The following PDIA5 variants were observed in gnomAD, a reference collection of about 807,000 sequenced individuals.
PDIA5 encodes protein disulfide isomerase family A member 5.
In PDIA5, 58 loss-of-function variants were observed where a neutral mutation model predicts 77.6. That is an observed-to-expected ratio of 0.75 (90% CI 0.61 to 0.93). The LOEUF is 0.93. Among genes scored for constraint, PDIA5 ranks in the 40% least tolerant of loss-of-function variants. The pLI, the probability that PDIA5 is intolerant of heterozygous loss-of-function variation, is 0.00. For synonymous variants in PDIA5, 250 were observed against 252.1 expected, an observed-to-expected ratio of 0.99 and a Z score of 0.08; for missense variants, 630 against 647.7, an observed-to-expected ratio of 0.97 and a Z score of 0.30.
At chr3:123,109,148 C>G (rs1265534145) in intron 6 of PDIA5, among the ~76,000 whole-genome samples, 1 of 152,188 alleles carries the variant, frequency 6.6e-6, no homozygotes, top group Non-Finnish European at 1.5e-5. Flanking sequence ...TCCTCTTGTT[C>G]TGCTTTGTGC....
chr3:123,089,339 TG>T, intron 2 of PDIA5, 45 bp downstream of exon 2: 1 of 1,601,342 alleles, frequency 6.2e-7, no homozygotes, highest in Non-Finnish European at 8.5e-7. Context: ...CGGGGTAGGA[TG>T]GGATTCAGGG....
intron 2 of PDIA5, among the ~76,000 whole-genome samples, chr3:123,090,197 C>T (rs1414088346): frequency 1.3e-5 from 2 of 152,224 alleles, no homozygotes; most frequent in Non-Finnish European, 2.9e-5. Context: ...GCGGCTGCTG[C>T]TTCCCCTTCT....
At chr3:123,092,079 G>A (rs546919631) in intron 2 of PDIA5, among the ~76,000 whole-genome samples, 1 of 152,346 alleles carries the variant, frequency 6.6e-6, no homozygotes, top group Admixed American at 6.5e-5. Flanking sequence ...TAAGGTGTGA[G>A]GTGTGGATTA....
intron 11 of PDIA5, among the ~76,000 whole-genome samples, chr3:123,137,332 C>T (rs979286456): frequency 6.6e-6 from 1 of 152,238 alleles, no homozygotes; most frequent in East Asian, 1.9e-4. Flanking sequence ...CCTATTCATA[C>T]ACTTTGCTCA....
chr3:123,151,295 C>T (rs749177805), intron 14 of PDIA5, among the ~76,000 whole-genome samples: 5 of 152,246 alleles, frequency 3.3e-5, no homozygotes, highest in Non-Finnish European at 2.9e-5. Context: ...CTGTCCTCTT[C>T]GGTCTGTAGA....
intron 1 of PDIA5, among the ~76,000 whole-genome samples, chr3:123,083,399 C>A (rs1447520002): frequency 6.6e-6 from 1 of 152,132 alleles, no homozygotes; most frequent in East Asian, 1.9e-4. Flanking sequence ...CAGGGAGATG[C>A]TTTATGGGTC....
chr3:123,158,741 G>A (rs768998395), intron 15 of PDIA5, among the ~76,000 whole-genome samples: 16 of 152,204 alleles, frequency 1.1e-4, no homozygotes, highest in Non-Finnish European at 2.1e-4. Flanking sequence ...GACACCAGCA[G>A]CGTGTGCCCC....
At chr3:123,103,859 C>T (rs773232578) in intron 5 of PDIA5, among the ~76,000 whole-genome samples, 7 of 152,136 alleles carry the variant, frequency 4.6e-5, no homozygotes, top group Non-Finnish European at 1.0e-4. Flanking sequence ...CACATGTTCC[C>T]CAGGAACAAG....
chr3:123,094,407 G>T (rs953296212), intron 3 of PDIA5, among the ~76,000 whole-genome samples: 14 of 152,212 alleles, frequency 9.2e-5, no homozygotes, highest in African/African-American at 3.4e-4. Flanking sequence ...CTGGGCTGTG[G>T]CCCATGTAGG....
chr3:123,109,494 T>C (rs1934814805), intron 6 of PDIA5, among the ~76,000 whole-genome samples: 1 of 152,124 alleles, frequency 6.6e-6, no homozygotes, highest in Non-Finnish European at 1.5e-5. Flanking sequence ...TGTTTGGAAA[T>C]TATTTCAAAC....
rs770883761 is a variant in PDIA5, at chr3:123,161,384, G to A, written c.1408G>A (p.Val470Ile). Residue 470 changes from valine to isoleucine, a missense_variant, in exon 16 of 17, where the codon GTC becomes ATC. Physicochemically the swap from Val to Ile is conservative, Grantham distance 29 (BLOSUM62 3). Transcript: ENST00000316218. ...CCAAGACCTGTGCCAGCAGGAGGCGGTCAAGGGCTACCCCACTTTCCACTA... is the reference window on the plus strand; with the variant it reads ...CCAAGACCTGTGCCAGCAGGAGGCGATCAAGGGCTACCCCACTTTCCACTA... Reference protein sequence around the residue: ...KNQDLCQQEAVKGYPTFHYYH... With the variant: ...KNQDLCQQEAIKGYPTFHYYH... The A allele has an allele frequency of 1.7e-5, 27 of 1,614,204 alleles. No homozygotes were observed. The East Asian group carries it at 5.8e-4, about 35-fold the overall frequency.
At chr3:123,076,242 C>T (rs1036362726) in intron 1 of PDIA5, among the ~76,000 whole-genome samples, 12 of 152,286 alleles carry the variant, frequency 7.9e-5, no homozygotes, top group African/African-American at 2.9e-4. Context: ...CAGATCTGTC[C>T]TGGCGGGGAC....
chr3:123,088,038 T>G (rs1022312045), intron 1 of PDIA5, among the ~76,000 whole-genome samples: 1 of 152,138 alleles, frequency 6.6e-6, no homozygotes, highest in Non-Finnish European at 1.5e-5. Context: ...AAGGTTCAGT[T>G]TGTAGACTTT....
intron 1 of PDIA5, among the ~76,000 whole-genome samples, chr3:123,075,664 A>G (rs1459603729): frequency 6.6e-6 from 1 of 152,044 alleles, no homozygotes; most frequent in Non-Finnish European, 1.5e-5. Flanking sequence ...CTGTGAGTGG[A>G]GAGGGGAGTG....
intron 8 of PDIA5, among the ~76,000 whole-genome samples, chr3:123,118,993 G>A (rs989160940): frequency 7.2e-5 from 11 of 152,216 alleles, no homozygotes; most frequent in African/African-American, 1.9e-4. Flanking sequence ...GTTCATGCCT[G>A]TAATCCCAGT....
chr3:123,138,466 T>A (rs1195847431), intron 11 of PDIA5, among the ~76,000 whole-genome samples: 1 of 152,258 alleles, frequency 6.6e-6, no homozygotes, highest in Admixed American at 6.5e-5. Flanking sequence ...TTTCCCATTA[T>A]AAATCATGCT....
At chr3:123,152,079 GCCTTCCTTCCTGCCTTCCTGCCTT>G (rs1935925012) in intron 14 of PDIA5, among the ~76,000 whole-genome samples, 1 of 65,778 alleles carries the variant, frequency 1.5e-5, no homozygotes, top group African/African-American at 6.1e-5. Flanking sequence ...CTTTCTTCCT[GCCTTCCTTCCTGCCTTCCTGCCTT>G]CCTTCCTTCC....
At chr3:123,125,403 G>C (rs1454909797) in intron 10 of PDIA5, among the ~76,000 whole-genome samples, 1 of 152,106 alleles carries the variant, frequency 6.6e-6, no homozygotes, top group Non-Finnish European at 1.5e-5. Context: ...GTAAAGGGGT[G>C]GTGCCGGTAA....
At chr3:123,133,688 A>C (rs1018474032) in intron 11 of PDIA5, among the ~76,000 whole-genome samples, 4 of 152,208 alleles carry the variant, frequency 2.6e-5, no homozygotes, top group African/African-American at 9.6e-5. Flanking sequence ...TAATGCTATA[A>C]AAAGGCATAC....
Sources: gnomAD v4.1 joint callset for allele counts (sites outside exome capture counted in the v4.1 genomes callset) on GRCh38, gnomAD v4.1.1 for gene constraint, MANE v1.5 for transcripts, NCBI Gene and HGNC (gene_info 2026-07-23, HGNC 2026-07-21) for gene names.